Variants in SYNPO2 observed in about 807,000 individuals in gnomAD.
The protein encoded by SYNPO2 is synaptopodin 2, also known as synaptopodin-2.
In SYNPO2, 56 loss-of-function variants were observed where a neutral mutation model predicts 85.0. The ratio of observed to expected loss-of-function variants is 0.66; its 90% CI spans 0.53 to 0.82. SYNPO2 has a LOEUF of 0.82. SYNPO2 is among the 40% of genes least tolerant of loss of function. The pLI is 0.00. For synonymous variants in SYNPO2, 602 were observed against 591.1 expected (o/e 1.02, Z -0.27); for missense variants, 1,575 against 1,534.2 (o/e 1.03, Z -0.44).
chr4:118,965,112 C>T (rs1056320055), intron 1 of SYNPO2, among the ~76,000 whole-genome samples: 7 of 152,090 alleles, frequency 4.6e-5, no homozygotes, highest in Non-Finnish European at 1.0e-4. Flanking sequence ...GGAAACAACT[C>T]TTTCTCATCT....
chr4:118,916,882 G>A (rs1436770034), intron 1 of SYNPO2, among the ~76,000 whole-genome samples: 6 of 151,768 alleles, frequency 4.0e-5, no homozygotes, highest in South Asian at 4.1e-4. Context: ...ACAAAGATGC[G>A]TCACCATGCC....
intron 1 of SYNPO2, among the ~76,000 whole-genome samples, chr4:119,016,826 G>A (rs1303540242): frequency 6.6e-6 from 1 of 152,166 alleles, no homozygotes; most frequent in Non-Finnish European, 1.5e-5. Context: ...CAGTTATATT[G>A]CAGCATCGTT....
chr4:118,883,622 T>C (rs1019623642), intron 1 of SYNPO2, among the ~76,000 whole-genome samples: 7 of 152,198 alleles, frequency 4.6e-5, no homozygotes, highest in Non-Finnish European at 1.0e-4. Flanking sequence ...TCATTTAACA[T>C]AGATTTAACA....
intron 1 of SYNPO2, among the ~76,000 whole-genome samples, chr4:118,856,451 G>A (rs886183246): frequency 1.3e-5 from 2 of 152,108 alleles, no homozygotes; most frequent in Non-Finnish European, 2.9e-5. Context: ...CTAAGCCATG[G>A]TTTATAGTGG....
chr4:118,958,314 C>T (rs1048889271), intron 1 of SYNPO2, among the ~76,000 whole-genome samples: 1 of 152,146 alleles, frequency 6.6e-6, no homozygotes, highest in Non-Finnish European at 1.5e-5. Flanking sequence ...GAGGAAAGTG[C>T]AGATGAAACT....
chr4:119,031,477 A>G lies in SYNPO2; in HGVS notation c.2702A>G (p.Gln901Arg). Residue 901 changes from glutamine (Q) to arginine (R), a missense_variant, in exon 4 of 5, where the codon CAG becomes CGG. Gln to Arg is a conservative substitution (Grantham distance 43, BLOSUM62 1). This residue lies in a region of SYNPO2 where 1,508 missense variants were observed against 1,446.8 expected (regional missense o/e 1.04). Coordinates refer to ENST00000307142, the MANE Select transcript of SYNPO2 (RefSeq NM_133477.3). ...GTGCAGGCCCACGCTGCTCGAGCTC[A>G]GTCTCCCACTCCATCTCTCCCGGCC... ...DTVQAHAARA[Q>R]SPTPSLPASW... 6.2e-7 allele frequency: 1 copy of G among 1,614,086 alleles called. No individual in the cohort carries two copies. Among genetic ancestry groups the G allele is most frequent in the Non-Finnish European group, 8.5e-7 (1 of 1,179,998 alleles).
At chr4:118,954,910 T>C (rs1244599140) in intron 1 of SYNPO2, among the ~76,000 whole-genome samples, 2 of 152,106 alleles carry the variant, frequency 1.3e-5, no homozygotes, top group Non-Finnish European at 2.9e-5. Context: ...TTAGGAAATT[T>C]AGGCATAGTA....
At chr4:119,032,388 C>G (rs1196659946) in intron 4 of SYNPO2, 1 of 1,175,558 alleles carries the variant, frequency 8.5e-7, no homozygotes, top group African/African-American at 1.6e-5. Flanking sequence ...CAGGAATCAG[C>G]CTTTATGTAA....
intron 1 of SYNPO2, among the ~76,000 whole-genome samples, chr4:118,859,738 C>A (rs570732100): frequency 6.6e-6 from 1 of 152,192 alleles, no homozygotes; most frequent in African/African-American, 2.4e-5. Context: ...TTGCAAATGA[C>A]TGGATTTCAT....
intron 4 of SYNPO2, among the ~76,000 whole-genome samples, chr4:119,044,488 C>A (rs533243083): frequency 6.6e-6 from 1 of 152,190 alleles, no homozygotes; most frequent in Non-Finnish European, 1.5e-5. Context: ...GCTGTTGATG[C>A]CTTTCCTGAT....
In SYNPO2 at chr4:119,031,567, C is replaced by T. The variant is rs372155149; in HGVS notation, c.2792C>T (p.Pro931Leu). Reference protein sequence around the residue: ...PPVAYNPIHSPSYPLAALKSQ... With the variant: ...PPVAYNPIHSLSYPLAALKSQ... ...GTGGCCTATAATCCTATCCACTCGC[C>T]GTCTTACCCACTGGCTGCTCTCAAG... is the stretch of plus-strand genomic sequence containing the variant. The change falls in exon 4 of 5, where the codon CCG becomes CTG. Residue 931 changes from proline (P) to leucine (L), a missense_variant. Physicochemically the swap from Pro to Leu is moderately conservative, Grantham distance 98. Coordinates refer to ENST00000307142, the MANE Select transcript of SYNPO2 (RefSeq NM_133477.3). 88 of 1,614,164 alleles carry T rather than the reference C, an allele frequency of 5.5e-5. No homozygotes were observed. Among genetic ancestry groups the T allele is most frequent in the Non-Finnish European group, 6.9e-5 (81 of 1,180,044 alleles).
intron 1 of SYNPO2, among the ~76,000 whole-genome samples, chr4:118,876,558 T>C (rs913186678): frequency 2.6e-5 from 4 of 152,186 alleles, no homozygotes; most frequent in African/African-American, 2.4e-5. Context: ...CACCTGAACT[T>C]AGAACAACAC....
chr4:118,984,698 A>G (rs1221347983), intron 1 of SYNPO2, among the ~76,000 whole-genome samples: 1 of 152,198 alleles, frequency 6.6e-6, no homozygotes, highest in Admixed American at 6.5e-5. Flanking sequence ...CAGCATTTAG[A>G]ACTACTCCTT....
At chr4:119,043,671 C>T (rs1434938440) in intron 4 of SYNPO2, 1 of 152,198 alleles carries the variant, frequency 6.6e-6, no homozygotes, top group African/African-American at 2.4e-5. Context: ...GGCGCAGTGG[C>T]TCACGCCTGT....
At chr4:118,967,859 C>CAAAAAAA (rs1735375124) in intron 1 of SYNPO2, among the ~76,000 whole-genome samples, 1 of 75,394 alleles carries the variant, frequency 1.3e-5, no homozygotes. Context: ...AATCTTTATA[C>CAAAAAAA]CAAAAAAAAA....
intron 2 of SYNPO2, among the ~76,000 whole-genome samples, chr4:119,024,228 T>G (rs1456613656): frequency 6.6e-6 from 1 of 152,122 alleles, no homozygotes; most frequent in Admixed American, 6.5e-5. Context: ...AAGAAAACAA[T>G]GAGGACAATA....
chr4:118,932,715 C>T (rs530963091), intron 1 of SYNPO2, among the ~76,000 whole-genome samples: 1 of 152,154 alleles, frequency 6.6e-6, no homozygotes, highest in Non-Finnish European at 1.5e-5. Flanking sequence ...TCTGTAATTT[C>T]AAACTGATAA....
intron 1 of SYNPO2, among the ~76,000 whole-genome samples, chr4:119,007,308 G>GTATATACACA (rs1560972855): frequency 6.9e-5 from 7 of 101,478 alleles, no homozygotes; most frequent in Non-Finnish European, 5.7e-5. Context: ...GTATATACAC[G>GTATATACACA]CACATATAGG....
intron 1 of SYNPO2, among the ~76,000 whole-genome samples, chr4:118,990,816 C>G (rs1736389959): frequency 6.6e-6 from 1 of 152,036 alleles, no homozygotes; most frequent in African/African-American, 2.4e-5. Flanking sequence ...ACCATGTTGC[C>G]CAGGCTGGTC....
Sources: allele counts gnomAD v4.1 joint callset (sites outside exome capture counted in the v4.1 genomes callset), GRCh38; gene constraint gnomAD v4.1.1; regional missense constraint gnomAD v4.1.1; transcripts MANE v1.5; gene names NCBI Gene and HGNC (gene_info 2026-07-23, HGNC 2026-07-21).